Variants in TRDN observed in about 807,000 individuals in gnomAD.
TRDN encodes triadin in skeletal muscle.
A neutral mutation model predicts 149.7 loss-of-function variants in TRDN; 161 were observed. That is an observed-to-expected ratio of 1.08 (90% CI 0.95 to 1.23). TRDN has a LOEUF of 1.23. Among genes scored for constraint, TRDN ranks in the 50% most tolerant of loss-of-function variants. TRDN has a pLI of 0.00. For missense variants in TRDN, 896 were observed against 823.5 expected, an observed-to-expected ratio of 1.09 and a Z score of -1.08; for synonymous variants, 294 against 250.5, an observed-to-expected ratio of 1.17 and a Z score of -1.64.
chr6:123,533,226 A>T (rs917814522), intron 4 of TRDN, among the ~76,000 whole-genome samples: 4 of 152,090 alleles, frequency 2.6e-5, no homozygotes. Context: ...TAAAATTGTC[A>T]TTTAGAATAA....
intron 24 of TRDN, among the ~76,000 whole-genome samples, chr6:123,303,445 T>C (rs1251397819): frequency 6.6e-6 from 1 of 152,090 alleles, no homozygotes; most frequent in Non-Finnish European, 1.5e-5. Flanking sequence ...AATAAATCTA[T>C]GCAACAAACG....
intron 1 of TRDN, among the ~76,000 whole-genome samples, chr6:123,582,548 C>T (rs1380440409): frequency 2.0e-5 from 3 of 149,210 alleles, no homozygotes; most frequent in Admixed American, 6.7e-5. Context: ...TCAGTGGGGG[C>T]GCTTTTGAGC....
At chr6:123,244,440 C>A (rs1562227237) in intron 38 of TRDN, among the ~76,000 whole-genome samples, 1 of 151,894 alleles carries the variant, frequency 6.6e-6, no homozygotes. Flanking sequence ...CGAGAATTTC[C>A]TGAAGCATAC....
At chr6:123,523,989 C>A (rs1779815605) in intron 5 of TRDN, among the ~76,000 whole-genome samples, 1 of 152,082 alleles carries the variant, frequency 6.6e-6, no homozygotes, top group African/African-American at 2.4e-5. Context: ...GTGATTCTAA[C>A]CCTGGCTACT....
chr6:123,492,754 G>GA (rs747370273), intron 9 of TRDN, among the ~76,000 whole-genome samples: 90 of 151,980 alleles, frequency 5.9e-4, no homozygotes, highest in Non-Finnish European at 1.1e-3. Context: ...AAAAGAAAAA[G>GA]AAAAAAACCC....
chr6:123,281,126 C>T (rs770545437), intron 24 of TRDN, among the ~76,000 whole-genome samples: 2 of 151,410 alleles, frequency 1.3e-5, no homozygotes, highest in East Asian at 1.9e-4. Context: ...GATATTCAGG[C>T]GGAAAAAAAA....
intron 26 of TRDN, 73 bp downstream of exon 26, chr6:123,278,245 A>G: frequency 9.6e-7 from 1 of 1,036,944 alleles, no homozygotes; most frequent in South Asian, 1.7e-5. Flanking sequence ...AGGACATGAC[A>G]TTTGCAAAGA....
chr6:123,434,467 A>AGG (rs1214430072), intron 12 of TRDN, among the ~76,000 whole-genome samples: 1 of 152,134 alleles, frequency 6.6e-6, no homozygotes. Context: ...GTGAGAAGAC[A>AGG]GTGCTGGTGA....
At chr6:123,319,278 A>G (rs763820591) in intron 23 of TRDN, among the ~76,000 whole-genome samples, 8 of 151,820 alleles carry the variant, frequency 5.3e-5, no homozygotes, top group African/African-American at 7.3e-5. Flanking sequence ...GCAGGAATTG[A>G]TATGTGAGAA....
chr6:123,366,716 C>T (rs191967716), intron 19 of TRDN, among the ~76,000 whole-genome samples: 2 of 152,186 alleles, frequency 1.3e-5, no homozygotes, highest in East Asian at 3.9e-4. Context: ...CGGGGTTTCA[C>T]CATGTTGGCC....
At chr6:123,334,309 G>A (rs759441784) in intron 22 of TRDN, among the ~76,000 whole-genome samples, 3 of 152,026 alleles carry the variant, frequency 2.0e-5, no homozygotes, top group Non-Finnish European at 2.9e-5. Flanking sequence ...GGCAAAACTA[G>A]TCAATAATTT....
chr6:123,326,605 C>T (rs888499098), intron 23 of TRDN, among the ~76,000 whole-genome samples: 10 of 151,876 alleles, frequency 6.6e-5, no homozygotes, highest in African/African-American at 2.4e-4. Context: ...ATGTCCTATA[C>T]AAAACTTCAT....
chr6:123,261,009 A>T (rs953085265), intron 33 of TRDN, among the ~76,000 whole-genome samples: 1 of 151,798 alleles, frequency 6.6e-6, no homozygotes, highest in African/African-American at 2.4e-5. Context: ...AATTTTTATA[A>T]CACAAAAAAT....
chr6:123,547,485 C>T (rs1347915332), intron 3 of TRDN, 113 bp from the exon 4 acceptor site: 1 of 613,418 alleles, frequency 1.6e-6, no homozygotes, highest in Non-Finnish European at 2.5e-6. Context: ...TTTTAACAAT[C>T]ATAGTCTTTA....
At chr6:123,251,707 A>G (rs1486366330) in intron 38 of TRDN, among the ~76,000 whole-genome samples, 1 of 151,932 alleles carries the variant, frequency 6.6e-6, no homozygotes, top group African/African-American at 2.4e-5. Flanking sequence ...TATGGAAATA[A>G]AAAAGGATAA....
intron 12 of TRDN, chr6:123,411,710 T>C (rs11154155): frequency 0.4 from 60,350 of 152,090 alleles, 12,389 homozygotes; most frequent in Middle Eastern, 0.48. Context: ...CTCTACCATC[T>C]GCAGGTATCT....
chr6:123,513,716 T>C (rs1008237840), intron 6 of TRDN, among the ~76,000 whole-genome samples: 82 of 152,268 alleles, frequency 5.4e-4, no homozygotes, highest in African/African-American at 1.9e-3. Context: ...TTCTTTTTTT[T>C]CTGTAGGTTA....
At chr6:123,374,459 A>G (rs1210270776) in intron 19 of TRDN, among the ~76,000 whole-genome samples, 2 of 152,290 alleles carry the variant, frequency 1.3e-5, no homozygotes, top group East Asian at 3.9e-4. Context: ...TAGAGTTCCA[A>G]TCAGCTTTAC....
intron 2 of TRDN, among the ~76,000 whole-genome samples, chr6:123,553,419 C>T (rs1018201527): frequency 2.0e-5 from 3 of 151,672 alleles, no homozygotes; most frequent in Non-Finnish European, 4.4e-5. Flanking sequence ...ATCCACTCCA[C>T]AGGAAGGCAA....
Sources: gnomAD v4.1 joint callset for allele counts (sites outside exome capture counted in the v4.1 genomes callset) on GRCh38, gnomAD v4.1.1 for gene constraint, MANE v1.5 for transcripts, NCBI Gene and HGNC (gene_info 2026-07-23, HGNC 2026-07-21) for gene names.